Variants in ATP6V0D2 observed in about 807,000 individuals in gnomAD.
ATP6V0D2 encodes V-type proton ATPase subunit d 2.
In ATP6V0D2, 40 loss-of-function variants were observed where a neutral mutation model predicts 40.0. The observed-to-expected ratio is 1.00, with a 90% confidence interval of 0.78 to 1.30. The LOEUF (loss-of-function observed/expected upper bound fraction) is 1.30, where lower values mean the gene tolerates loss of function less well. ATP6V0D2 is among the 50% of genes most tolerant of loss of function. The pLI, the probability that ATP6V0D2 is intolerant of heterozygous loss-of-function variation, is 0.00. For missense variants in ATP6V0D2, 470 were observed against 423.1 expected (o/e 1.11, Z -0.97); for synonymous variants, 179 against 156.3 (o/e 1.15, Z -1.08).
intron 5 of ATP6V0D2, among the ~76,000 whole-genome samples, chr8:86,146,523 C>T (rs1420113900): frequency 2.0e-5 from 3 of 152,016 alleles, no homozygotes; most frequent in African/African-American, 4.8e-5. Flanking sequence ...TAGCAAAATC[C>T]TACCTCTACA....
At chr8:86,120,924 C>A (rs1484888206) in intron 2 of ATP6V0D2, among the ~76,000 whole-genome samples, 1 of 152,090 alleles carries the variant, frequency 6.6e-6, no homozygotes, top group Non-Finnish European at 1.5e-5. Context: ...CACTCATATT[C>A]TTGACCCCTA....
chr8:86,106,196 G>C (rs1037774331), intron 1 of ATP6V0D2, among the ~76,000 whole-genome samples: 1 of 151,854 alleles, frequency 6.6e-6, no homozygotes, highest in South Asian at 2.1e-4. Context: ...TGGGTAGCGT[G>C]ATCATGGCTC....
chr8:86,142,200 G>T (rs1278414202), intron 4 of ATP6V0D2, among the ~76,000 whole-genome samples: 1 of 152,126 alleles, frequency 6.6e-6, no homozygotes, highest in Non-Finnish European at 1.5e-5. Context: ...GCATTGTATT[G>T]CAGGCAGTGT....
intron 5 of ATP6V0D2, among the ~76,000 whole-genome samples, chr8:86,147,065 C>T (rs1222729828): frequency 6.6e-6 from 1 of 152,050 alleles, no homozygotes; most frequent in Non-Finnish European, 1.5e-5. Flanking sequence ...TAATATTTGC[C>T]TTTTACTCCT....
At chr8:86,134,646 G>T (rs1818874077) in intron 2 of ATP6V0D2, among the ~76,000 whole-genome samples, 1 of 152,140 alleles carries the variant, frequency 6.6e-6, no homozygotes, top group Non-Finnish European at 1.5e-5. Flanking sequence ...TTCTTACTAT[G>T]CCACTCAGCA....
intron 5 of ATP6V0D2, among the ~76,000 whole-genome samples, chr8:86,146,030 C>G (rs2721250): frequency 0.86 from 131,038 of 152,146 alleles, 56,606 homozygotes; most frequent in Middle Eastern, 0.91. Context: ...TAGTAAGTCA[C>G]GATTGGAATG....
chr8:86,102,935 A>T (rs1818422776), intron 1 of ATP6V0D2, among the ~76,000 whole-genome samples: 1 of 152,216 alleles, frequency 6.6e-6, no homozygotes, highest in South Asian at 2.1e-4. Context: ...AAAAACTAAC[A>T]CTACTGCTTG....
intron 2 of ATP6V0D2, among the ~76,000 whole-genome samples, chr8:86,130,270 C>T (rs1043441198): frequency 6.6e-6 from 1 of 152,020 alleles, no homozygotes; most frequent in Non-Finnish European, 1.5e-5. Flanking sequence ...CTTTCTATCC[C>T]TTAAGAACCA....
chr8:86,112,706 G>A (rs1441380033), intron 1 of ATP6V0D2, among the ~76,000 whole-genome samples: 2 of 152,104 alleles, frequency 1.3e-5, no homozygotes, highest in Non-Finnish European at 2.9e-5. Context: ...ATTTACTGAA[G>A]TATGGATGCT....
At chr8:86,127,457 C>CT (rs576240550) in intron 2 of ATP6V0D2, among the ~76,000 whole-genome samples, 10,618 of 146,494 alleles carry the variant, frequency 0.072, 1,157 homozygotes, top group African/African-American at 0.24. Flanking sequence ...CCCTGAAATG[C>CT]TTTTTTTTTT....
At chr8:86,151,172 T>C (rs1819145252) in intron 6 of ATP6V0D2, among the ~76,000 whole-genome samples, 1 of 152,184 alleles carries the variant, frequency 6.6e-6, no homozygotes, top group South Asian at 2.1e-4. Flanking sequence ...TTCTATAATG[T>C]ACCTAGCTAG....
intron 2 of ATP6V0D2, among the ~76,000 whole-genome samples, chr8:86,125,417 G>C (rs1035271986): frequency 6.6e-6 from 1 of 152,084 alleles, no homozygotes; most frequent in Non-Finnish European, 1.5e-5. Flanking sequence ...CATTGTCCTA[G>C]TTTTATTTTA....
At chr8:86,112,828 G>C (rs1405668379) in intron 1 of ATP6V0D2, among the ~76,000 whole-genome samples, 1 of 152,164 alleles carries the variant, frequency 6.6e-6, no homozygotes, top group Non-Finnish European at 1.5e-5. Flanking sequence ...GCATGGCATG[G>C]TCTGGTGGAA....
intron 2 of ATP6V0D2, among the ~76,000 whole-genome samples, chr8:86,118,085 C>CTTTTTT (rs1222811419): frequency 1.4e-4 from 4 of 27,622 alleles, no homozygotes; most frequent in African/African-American, 1.6e-4. Context: ...TTCTTTCTTT[C>CTTTTTT]TTTTTTTTTT....
At chr8:86,113,684 G>T (rs780889482) in intron 1 of ATP6V0D2, 25 bp from the exon 2 acceptor site, 55 of 1,574,386 alleles carry the variant, frequency 3.5e-5, no homozygotes, top group Middle Eastern at 3.4e-4. Context: ...AATTTAACCT[G>T]AATTGGGGTT....
intron 1 of ATP6V0D2, among the ~76,000 whole-genome samples, chr8:86,103,821 C>T (rs2130225502): frequency 6.6e-6 from 1 of 152,024 alleles, no homozygotes; most frequent in African/African-American, 2.4e-5. Flanking sequence ...CTTTATGTGG[C>T]ATAGTTTTTT....
chr8:86,121,021 G>A (rs1469738274), intron 2 of ATP6V0D2, among the ~76,000 whole-genome samples: 1 of 152,112 alleles, frequency 6.6e-6, no homozygotes, highest in Non-Finnish European at 1.5e-5. Flanking sequence ...GTGCACATCT[G>A]ATTTAAAATG....
intron 3 of ATP6V0D2, among the ~76,000 whole-genome samples, chr8:86,140,680 A>T (rs779498580): frequency 2.0e-5 from 3 of 152,168 alleles, no homozygotes; most frequent in Admixed American, 6.5e-5. Flanking sequence ...ATTAAATGAA[A>T]GTATATTCAG....
rs1166858589 is a variant in ATP6V0D2, at chr8:86,149,052, G to GAAAAAA, written c.640-1058_640-1057insAAAAAA. On this transcript the variant is annotated intron_variant, in intron 5 of 7. Coordinates refer to ENST00000285393, the MANE Select transcript of ATP6V0D2 (RefSeq NM_152565.1). ...ACAGAGTGAGACCCAATCTCCAAAG[G>GAAAAAA]AAGAAAAAAAAAAAAAAAAAAAACC... Among the ~76,000 whole-genome samples, 343 of 68,998 alleles carry GAAAAAA rather than the reference G, an allele frequency of 5.0e-3. 78 individuals carry two copies. The highest frequency in any genetic ancestry group is 0.017 in the African/African-American group (262 of 15,276). The allele number at this position is 68,998 out of a possible 152,430, so 45.3% of individuals were successfully genotyped here. A position where few individuals can be genotyped will look rare whatever the true frequency, so the allele number is the denominator to read the frequency against.
Sources: gnomAD v4.1 joint callset for allele counts (sites outside exome capture counted in the v4.1 genomes callset) on GRCh38, gnomAD v4.1.1 for gene constraint, MANE v1.5 for transcripts, NCBI Gene and HGNC (gene_info 2026-07-23, HGNC 2026-07-21) for gene names.